SLC24A3: variants seen among roughly 807,000 people sequenced by gnomAD.
The protein encoded by SLC24A3 is solute carrier family 24 member 3, also known as sodium/potassium/calcium exchanger 3.
In SLC24A3, 28 loss-of-function variants were observed where a neutral mutation model predicts 75.8. The observed-to-expected ratio is 0.37, with a 90% CI of 0.27 to 0.51. The LOEUF (loss-of-function observed/expected upper bound fraction) is 0.51, where lower values mean the gene tolerates loss of function less well. Ranked by LOEUF, SLC24A3 falls within the 20% of genes least tolerant of loss-of-function variation. The pLI is 0.94. For synonymous variants in SLC24A3, 372 were observed against 334.1 expected, an observed-to-expected ratio of 1.11 and a Z score of -1.24; for missense variants, 663 against 847.8, an observed-to-expected ratio of 0.78 and a Z score of 2.71.
In SLC24A3 at chr20:19,605,795, A is replaced by C. The variant is rs559380584; in HGVS notation, c.612+20251A>C. Among the ~76,000 whole-genome samples, 3 of 152,340 alleles carry C rather than the reference A, an allele frequency of 2.0e-5. No individual in the cohort carries two copies. In the East Asian group the frequency reaches 5.8e-4, roughly 29 times the overall value. ...AAACTAATAAAATTTAATAGCATTGAAAAGAAAAACAAATTATACCTATCA... is the reference window on the plus strand; with the variant it reads ...AAACTAATAAAATTTAATAGCATTGCAAAGAAAAACAAATTATACCTATCA... On this transcript the variant is annotated intron_variant, in intron 6 of 16. Transcript: ENST00000328041.
intron 3 of SLC24A3, among the ~76,000 whole-genome samples, chr20:19,548,427 C>T (rs6081643): frequency 0.88 from 133,736 of 152,278 alleles, 58,934 homozygotes; most frequent in Middle Eastern, 0.95. Flanking sequence ...TAGGTCTGTG[C>T]ACTAGTATGG....
At chr20:19,250,505 T>A (rs1600393308) in intron 1 of SLC24A3, among the ~76,000 whole-genome samples, 1 of 152,230 alleles carries the variant, frequency 6.6e-6, no homozygotes, top group South Asian at 2.1e-4. Context: ...TCAGTGTTTT[T>A]AATTGACCTG....
intron 1 of SLC24A3, among the ~76,000 whole-genome samples, chr20:19,277,963 C>T (rs867234372): frequency 6.6e-6 from 1 of 152,162 alleles, no homozygotes; most frequent in Non-Finnish European, 1.5e-5. Flanking sequence ...AATGGCCACG[C>T]TGCTGGCCAC....
At chr20:19,608,608 AC>A (rs2031628659) in intron 6 of SLC24A3, among the ~76,000 whole-genome samples, 1 of 152,330 alleles carries the variant, frequency 6.6e-6, no homozygotes, top group Non-Finnish European at 1.5e-5. Context: ...CTATAGAATG[AC>A]CGTGTCACAA....
intron 2 of SLC24A3, among the ~76,000 whole-genome samples, chr20:19,444,351 G>T (rs1987346535): frequency 1.3e-5 from 2 of 152,152 alleles, no homozygotes; most frequent in African/African-American, 4.8e-5. Flanking sequence ...TAGAGAATGG[G>T]TTAGGAAGTA....
intron 3 of SLC24A3, among the ~76,000 whole-genome samples, chr20:19,550,037 A>C (rs1431614675): frequency 6.6e-6 from 1 of 152,188 alleles, no homozygotes; most frequent in East Asian, 1.9e-4. Context: ...AAAGGATCTT[A>C]TGTTGTTTGA....
intron 2 of SLC24A3, among the ~76,000 whole-genome samples, chr20:19,357,427 G>A (rs4814841): frequency 0.42 from 63,527 of 152,030 alleles, 13,541 homozygotes; most frequent in Middle Eastern, 0.56. Flanking sequence ...AGTCTATTGG[G>A]CATAGGGATG....
At chr20:19,564,153 C>T (rs1203747244) in intron 3 of SLC24A3, among the ~76,000 whole-genome samples, 1 of 152,134 alleles carries the variant, frequency 6.6e-6, no homozygotes, top group African/African-American at 2.4e-5. Flanking sequence ...GAAGAACTCC[C>T]ACAGGGTATG....
chr20:19,230,485 C>T (rs1327231155), intron 1 of SLC24A3, among the ~76,000 whole-genome samples: 1 of 152,152 alleles, frequency 6.6e-6, no homozygotes, highest in Non-Finnish European at 1.5e-5. Flanking sequence ...TTGATCCCTC[C>T]TGTGGCTCTT....
intron 2 of SLC24A3, among the ~76,000 whole-genome samples, chr20:19,497,327 C>T (rs192621937): frequency 6.6e-6 from 1 of 152,280 alleles, no homozygotes; most frequent in African/African-American, 2.4e-5. Context: ...GAATAGGAAG[C>T]TCTAGTTGGA....
At chr20:19,437,562 T>C (rs1466688916) in intron 2 of SLC24A3, among the ~76,000 whole-genome samples, 3 of 152,190 alleles carry the variant, frequency 2.0e-5, no homozygotes, top group East Asian at 3.9e-4. Flanking sequence ...CAAGAAGTGC[T>C]GGGGCCAACA....
At chr20:19,343,082 A>AG (rs1985309589) in intron 2 of SLC24A3, among the ~76,000 whole-genome samples, 1 of 147,342 alleles carries the variant, frequency 6.8e-6, no homozygotes, top group African/African-American at 2.6e-5. Context: ...AAAAAAAAAA[A>AG]AAGAAAAAAG....
intron 2 of SLC24A3, among the ~76,000 whole-genome samples, chr20:19,338,545 C>T (rs1004378925): frequency 6.6e-6 from 1 of 152,158 alleles, no homozygotes; most frequent in Admixed American, 6.5e-5. Context: ...ATCAAGGCCT[C>T]CTGTCCAACC....
chr20:19,601,242 G>T (rs1380572154), intron 6 of SLC24A3, among the ~76,000 whole-genome samples: 1 of 152,176 alleles, frequency 6.6e-6, no homozygotes, highest in Non-Finnish European at 1.5e-5. Flanking sequence ...ACAGAAGCTT[G>T]TCTGGGCGGT....
rs181554215 is a variant in SLC24A3 at position 19,346,289 on chromosome 20, A to G, written c.271+65202A>G. Among the ~76,000 whole-genome samples, 287 of 101,434 alleles carry G rather than the reference A, an allele frequency of 2.8e-3. 24 individuals carry two copies. Among genetic ancestry groups the G allele is most frequent in the African/African-American group, 0.014 (270 of 18,962 alleles). The allele number at this position is 101,434 out of a possible 152,430, so 66.5% of individuals were successfully genotyped here. On this transcript the variant is annotated intron_variant, in intron 2 of 16. Transcript: ENST00000328041. ...TATATATGGTGTATATATATATGGT[A>G]TATATATATGGTGTATATATATATA...
intron 3 of SLC24A3, among the ~76,000 whole-genome samples, chr20:19,567,555 CTATGCTTA>C (rs2030979816): frequency 3.3e-5 from 5 of 152,190 alleles, no homozygotes; most frequent in Non-Finnish European, 2.9e-5. Flanking sequence ...CTATCAGGTA[CTATGCTTA>C]TTATCTTGGT....
intron 15 of SLC24A3, among the ~76,000 whole-genome samples, chr20:19,699,902 G>A (rs2032851867): frequency 6.6e-6 from 1 of 152,180 alleles, no homozygotes; most frequent in Non-Finnish European, 1.5e-5. Context: ...CAGAACCCCA[G>A]CATAGATACC....
chr20:19,680,243 GT>G, intron 9 of SLC24A3, among the ~76,000 whole-genome samples: 3 of 152,048 alleles, frequency 2.0e-5, no homozygotes, highest in South Asian at 4.2e-4. Flanking sequence ...AAGTTTGGCT[GT>G]TTGCTCTGCA....
At chr20:19,220,489 G>C (rs1009155194) in intron 1 of SLC24A3, among the ~76,000 whole-genome samples, 18 of 152,210 alleles carry the variant, frequency 1.2e-4, no homozygotes, top group African/African-American at 4.1e-4. Context: ...TAGAACAAAA[G>C]GGGTGGGATA....
Sources: gnomAD v4.1 joint callset for allele counts (sites outside exome capture counted in the v4.1 genomes callset) on GRCh38, gnomAD v4.1.1 for gene constraint, MANE v1.5 for transcripts, NCBI Gene and HGNC (gene_info 2026-07-23, HGNC 2026-07-21) for gene names.